Variants in MYO9A observed in about 807,000 individuals in gnomAD.
The protein encoded by MYO9A is unconventional myosin-IXa.
MYO9A carries 103 observed loss-of-function variants against 293.3 expected under a neutral mutation model. The observed-to-expected ratio is 0.35, with a 90% CI of 0.30 to 0.41. The LOEUF (loss-of-function observed/expected upper bound fraction) is 0.41, where lower values mean the gene tolerates loss of function less well. Among genes scored for constraint, MYO9A ranks in the 10% least tolerant of loss-of-function variants. MYO9A has a pLI of 1.00. For synonymous variants in MYO9A, 1,001 were observed against 1,035.7 expected (o/e 0.97, Z 0.64); for missense variants, 2,685 against 3,033.0 (o/e 0.89, Z 2.69).
chr15:71,977,830 G>A (rs914724480), intron 12 of MYO9A, among the ~76,000 whole-genome samples: 7 of 152,158 alleles, frequency 4.6e-5, no homozygotes, highest in Non-Finnish European at 8.8e-5. Context: ...GAGGTCAGGC[G>A]ATCGAGACCA....
At chr15:72,071,368 G>T (rs142958877) in intron 1 of MYO9A, among the ~76,000 whole-genome samples, 1 of 151,980 alleles carries the variant, frequency 6.6e-6, no homozygotes, top group African/African-American at 2.4e-5. Flanking sequence ...AGTCAGAATG[G>T]CTATTATTAA....
intron 1 of MYO9A, among the ~76,000 whole-genome samples, chr15:72,052,137 T>G (rs1023758385): frequency 2.7e-5 from 4 of 150,352 alleles, no homozygotes; most frequent in Non-Finnish European, 5.9e-5. Context: ...CTGCCGGGAG[T>G]TGAGAAGATG....
intron 1 of MYO9A, among the ~76,000 whole-genome samples, chr15:72,116,125 G>GA (rs2080966173): frequency 6.6e-6 from 1 of 152,352 alleles, no homozygotes; most frequent in Admixed American, 6.5e-5. Flanking sequence ...GGATACACAT[G>GA]AAGCTGGAAA....
At chr15:71,919,701 G>A (rs940595611) in intron 18 of MYO9A, among the ~76,000 whole-genome samples, 1 of 151,816 alleles carries the variant, frequency 6.6e-6, no homozygotes, top group Non-Finnish European at 1.5e-5. Context: ...AATTAGCAAG[G>A]CATGGTGACA....
chr15:71,846,250 G>C (rs2055381431), intron 39 of MYO9A, among the ~76,000 whole-genome samples: 1 of 152,148 alleles, frequency 6.6e-6, no homozygotes, highest in Admixed American at 6.5e-5. Context: ...CAATGAGCCG[G>C]AATAGCAGTG....
At chr15:72,057,743 A>C (rs1247326909) in intron 1 of MYO9A, among the ~76,000 whole-genome samples, 2 of 152,244 alleles carry the variant, frequency 1.3e-5, no homozygotes. Flanking sequence ...GCATAAAAGA[A>C]GGCTCTGCAA....
Position 72,021,022 on chromosome 15 carries a change from G to A in MYO9A, c.999-5C>T. On this transcript the variant is annotated splice_region_variant and splice_polypyrimidine_tract_variant and intron_variant, in intron 4 of 41. Coordinates refer to ENST00000356056, the MANE Select transcript of MYO9A (RefSeq NM_006901.4). ...TAATAGAATACATGATAGTTCCTGTGGGAAACAAAGAAGTACAAGTTTCAT... is the reference window on the plus strand; with the variant it reads ...TAATAGAATACATGATAGTTCCTGTAGGAAACAAAGAAGTACAAGTTTCAT... The A allele has an allele frequency of 1.3e-6, 2 of 1,529,564 alleles. No homozygotes were observed. Among genetic ancestry groups the A allele is most frequent in the Non-Finnish European group, 1.8e-6 (2 of 1,140,204 alleles). 94.7% of individuals were successfully genotyped at this position (1,529,564 alleles called of 1,614,324 possible). A position where few individuals can be genotyped will look rare whatever the true frequency, so the allele number is the denominator to read the frequency against.
chr15:71,927,924 C>G (rs1004304621), intron 18 of MYO9A, among the ~76,000 whole-genome samples: 6 of 147,098 alleles, frequency 4.1e-5, no homozygotes, highest in Non-Finnish European at 7.5e-5. Flanking sequence ...AGTCAACTAA[C>G]CATAAATGTA....
chr15:71,860,969 CAAAAAAA>C (rs61030744), intron 33 of MYO9A, among the ~76,000 whole-genome samples: 608 of 32,436 alleles, frequency 0.019, 14 homozygotes, highest in Non-Finnish European at 0.03. Context: ...TCCATCTCAC[CAAAAAAA>C]AAAAAAAAAA....
At chr15:71,933,760 C>A in intron 17 of MYO9A, 51 bp from the exon 18 acceptor site, 45 of 1,418,260 alleles carry the variant, frequency 3.2e-5, no homozygotes, top group Non-Finnish European at 3.8e-5. Context: ...AAAACAAAAA[C>A]AAAAGCTACT....
intron 33 of MYO9A, 33 bp from the exon 34 acceptor site, chr15:71,859,829 G>C (rs1390385662): frequency 2.5e-6 from 4 of 1,577,644 alleles, no homozygotes; most frequent in Non-Finnish European, 3.5e-6. Context: ...AACATTTTTA[G>C]AAGTCTGTAC....
At chr15:71,904,705 G>A (rs1013528369) in intron 20 of MYO9A, among the ~76,000 whole-genome samples, 5 of 152,164 alleles carry the variant, frequency 3.3e-5, no homozygotes, top group Admixed American at 1.3e-4. Context: ...GACTTCAAGA[G>A]GTATTTGCTT....
chr15:71,865,059 A>G (rs1281795794), intron 32 of MYO9A, among the ~76,000 whole-genome samples: 1 of 152,196 alleles, frequency 6.6e-6, no homozygotes, highest in East Asian at 1.9e-4. Flanking sequence ...GATCATTTGG[A>G]ATATACTGAT....
intron 12 of MYO9A, among the ~76,000 whole-genome samples, chr15:71,976,229 C>T (rs1006501093): frequency 2.6e-5 from 4 of 152,110 alleles, no homozygotes; most frequent in Admixed American, 1.3e-4. Flanking sequence ...AAACCCCACA[C>T]ATTTGGTCAC....
chr15:71,826,481 A>C lies in MYO9A; in HGVS notation c.*99T>G. 1 of 1,201,178 alleles carries C rather than the reference A, an allele frequency of 8.3e-7. No homozygotes were observed. The highest frequency in any genetic ancestry group is 1.2e-6 in the Non-Finnish European group (1 of 856,252). The allele number at this position is 1,201,178 out of a possible 1,614,324, so 74.4% of individuals were successfully genotyped here. On this transcript the variant is annotated 3_prime_UTR_variant, in exon 42 of 42. Transcript: ENST00000356056. ...ATGCTTAGAAAAGAGGCAGGACCAC[A>C]ATTAGGATTGACTATTGTGGACGAG... is the stretch of plus-strand genomic sequence containing the variant.
Position 71,898,637 on chromosome 15 carries a change from A to G in MYO9A, c.3866T>C (p.Leu1289Ser). The G allele has an allele frequency of 6.2e-7, 1 of 1,613,922 alleles. No homozygotes were observed. Among genetic ancestry groups the G allele is most frequent in the Non-Finnish European group, 8.5e-7 (1 of 1,179,950 alleles). Residue 1289 changes from leucine to serine, a missense_variant, in exon 25 of 42, where the codon TTG becomes TCG. Transcript: ENST00000356056. ...ELEQAIFSLE[L>S]LKVRSLGGIS... ...ACCACCAAGAGAACGAACTTTCAGC[A>G]ATTCTAAGCTAAATATAGCTTGCTC...
chr15:71,864,779 A>T (rs1178472986), intron 32 of MYO9A, among the ~76,000 whole-genome samples: 6 of 152,210 alleles, frequency 3.9e-5, no homozygotes, highest in African/African-American at 1.4e-4. Flanking sequence ...AGGTAAGACT[A>T]TAGAAACAGA....
intron 9 of MYO9A, among the ~76,000 whole-genome samples, chr15:71,995,341 G>A (rs374859882): frequency 5.9e-5 from 9 of 152,066 alleles, no homozygotes; most frequent in African/African-American, 2.2e-4. Flanking sequence ...AATTACATTG[G>A]TAGTTGTCTT....
chr15:71,850,843 T>G (rs1389815296), intron 37 of MYO9A, among the ~76,000 whole-genome samples: 5 of 149,010 alleles, frequency 3.4e-5, no homozygotes, highest in African/African-American at 1.2e-4. Context: ...AAGATGGCTT[T>G]CTTCTCAACT....
Sources: allele counts gnomAD v4.1 joint callset (sites outside exome capture counted in the v4.1 genomes callset), GRCh38; gene constraint gnomAD v4.1.1; transcripts MANE v1.5; gene names NCBI Gene and HGNC (gene_info 2026-07-23, HGNC 2026-07-21).